The following RIPOR3 variants were observed in gnomAD, a reference collection of about 807,000 sequenced individuals.
The protein encoded by RIPOR3 is family with sequence similarity 65 member C.
In RIPOR3, 95 loss-of-function variants were observed where a neutral mutation model predicts 114.3. The observed-to-expected ratio is 0.83, with a 90% CI of 0.70 to 0.99. The LOEUF (loss-of-function observed/expected upper bound fraction) is 0.99. Ranked by LOEUF, RIPOR3 falls within the 50% of genes least tolerant of loss-of-function variation. The pLI, the probability that RIPOR3 is intolerant of heterozygous loss-of-function variation, is 0.00. For missense variants in RIPOR3, 1,252 were observed against 1,266.9 expected, an observed-to-expected ratio of 0.99 and a Z score of 0.18; for synonymous variants, 575 against 543.8, an observed-to-expected ratio of 1.06 and a Z score of -0.80.
At chr20:50,596,757 C>T (rs138408526) in intron 14 of RIPOR3, among the ~76,000 whole-genome samples, 91 of 152,306 alleles carry the variant, frequency 6.0e-4, no homozygotes, top group African/African-American at 2.0e-3. Flanking sequence ...CGCACTCGTC[C>T]GTGGGATTGT....
rs932314267 is a variant in RIPOR3 at position 50,613,065 on chromosome 20, C to T, written c.349-1861G>A. ...CTATGATCGTACCACTGCACTTCAC[C>T]CTGGGTGACAGAGTAAGACCTTGTC... is the stretch of plus-strand genomic sequence containing the variant. On this transcript the variant is annotated intron_variant, in intron 4 of 21. Transcript: ENST00000327979. 6.6e-5 allele frequency among the ~76,000 whole-genome samples: 10 copies of T among 152,096 alleles called. No individual in the cohort carries two copies. The East Asian group carries it at 1.7e-3, about 26-fold the overall frequency.
intron 2 of RIPOR3, among the ~76,000 whole-genome samples, chr20:50,627,514 GA>G (rs879396242): frequency 9.0e-4 from 105 of 116,062 alleles, no homozygotes; most frequent in South Asian, 2.9e-3. Context: ...TGTCTCAAAA[GA>G]AAAAAAAAAA....
At chr20:50,629,162 C>T (rs1014754748) in intron 2 of RIPOR3, among the ~76,000 whole-genome samples, 5 of 151,876 alleles carry the variant, frequency 3.3e-5, no homozygotes, top group African/African-American at 1.2e-4. Context: ...TCCCAGGGGC[C>T]TCTAGCCAGG....
chr20:50,666,226 T>TCTTTTCTTTTCTCTTCTCC, intron 1 of RIPOR3, among the ~76,000 whole-genome samples: 1 of 139,830 alleles, frequency 7.2e-6, no homozygotes, highest in Non-Finnish European at 1.5e-5. Flanking sequence ...TCTTTTCTTT[T>TCTTTTCTTTTCTCTTCTCC]TTGAGACGGA....
chr20:50,636,834 C>A, intron 1 of RIPOR3: 1 of 985,472 alleles, frequency 1.0e-6, no homozygotes, highest in Non-Finnish European at 1.2e-6. Flanking sequence ...CACCGCCAGC[C>A]AGAGGGAACC....
At chr20:50,671,388 C>T (rs529156154) in intron 1 of RIPOR3, among the ~76,000 whole-genome samples, 14 of 151,674 alleles carry the variant, frequency 9.2e-5, no homozygotes, top group Non-Finnish European at 1.8e-4. Context: ...TTTCTCTCTC[C>T]CTCTCTCTCA....
intron 1 of RIPOR3, among the ~76,000 whole-genome samples, chr20:50,686,207 C>A (rs1247213481): frequency 6.6e-6 from 1 of 151,866 alleles, no homozygotes; most frequent in African/African-American, 2.4e-5. Flanking sequence ...CAGGCGCCCA[C>A]CACCATGCCC....
At position 50,638,462 on chromosome 20, in the gene RIPOR3, T is replaced by G. The variant is rs143767895; in HGVS notation, c.4-7606A>C. On this transcript the variant is annotated intron_variant, in intron 1 of 21. Transcript: ENST00000327979. ...AGATAAAGATGACTCATGAATTTCT[T>G]TGAATTATCCAGAGGGCATTTTAAT... Among the ~76,000 whole-genome samples, 560 of 152,302 alleles carry G rather than the reference T, an allele frequency of 3.7e-3. 5 individuals are homozygous for G. The highest frequency in any genetic ancestry group is 0.01 in the African/African-American group (425 of 41,560).
At chr20:50,619,637 C>T (rs866711099) in intron 3 of RIPOR3, among the ~76,000 whole-genome samples, 1 of 152,208 alleles carries the variant, frequency 6.6e-6, no homozygotes, top group Non-Finnish European at 1.5e-5. Context: ...TGCCGAGGCC[C>T]TCGACGCACT....
At chr20:50,636,099 G>A (rs2084976396) in intron 1 of RIPOR3, among the ~76,000 whole-genome samples, 1 of 152,200 alleles carries the variant, frequency 6.6e-6, no homozygotes, top group Non-Finnish European at 1.5e-5. Flanking sequence ...GGCCTGGTGG[G>A]GCTGATCCAT....
In RIPOR3 at chr20:50,602,601, C is replaced by G. The variant is rs1437496450; in HGVS notation, c.1130G>C (p.Gly377Ala). Residue 377 changes from glycine to alanine, a missense_variant, in exon 13 of 22, where the codon GGC becomes GCC. By Grantham distance (60) the Gly-to-Ala change is moderately conservative. Transcript: ENST00000327979. The surrounding 1 kb of genome is among the most constrained non-coding windows in gnomAD (Gnocchi z 4.3). The stretch of plus-strand genomic sequence containing the variant: ...GCTGAGGATGGAGGTGGCCCTTGGG[C>G]CACCCAGCAGCAAGGCCTGCTGTGT... ...QPTQQALLLG[G>A]PRATSILSYL... is the part of the protein sequence containing the mutation. The G allele has an allele frequency of 6.6e-7, 1 of 1,510,588 alleles. No individual in the cohort carries two copies. The highest frequency in any genetic ancestry group is 8.8e-7 in the Non-Finnish European group (1 of 1,130,380). The allele number at this position is 1,510,588 out of a possible 1,614,324, so 93.6% of individuals were successfully genotyped here.
intron 3 of RIPOR3, among the ~76,000 whole-genome samples, chr20:50,617,886 T>C (rs1316151009): frequency 6.6e-6 from 1 of 151,810 alleles, no homozygotes; most frequent in East Asian, 2.0e-4. Flanking sequence ...CCTCCCAAAG[T>C]GCTAAGATTA....
Position 50,587,787 on chromosome 20 carries a change from T to A in RIPOR3, c.2752+15A>T, listed in dbSNP as rs976027068. 8.1e-6 allele frequency: 13 copies of A among 1,613,824 alleles called. No individual in the cohort carries two copies. In the African/African-American group the frequency reaches 9.3e-5, roughly 12 times the overall value. ...AGGCACCCCGCTGCGCTGCACAGTT[T>A]GTGCCACTTTTTACCGAACGACAGT... is the stretch of plus-strand genomic sequence containing the variant. On this transcript the variant is annotated intron_variant, in intron 21 of 21. Coordinates refer to ENST00000327979, the MANE Select transcript of RIPOR3 (RefSeq NM_001290268.2).
At chr20:50,621,186 G>A in intron 2 of RIPOR3, 1 of 340,446 alleles carries the variant, frequency 2.9e-6, no homozygotes. Context: ...AAGAAATACA[G>A]TCAAGTAGCC....
chr20:50,588,555 T>C (rs940889212), intron 20 of RIPOR3, among the ~76,000 whole-genome samples: 3 of 152,086 alleles, frequency 2.0e-5, no homozygotes, highest in African/African-American at 7.2e-5. Context: ...GCTCATATTC[T>C]CCGGTCCTAG....
Position 50,655,657 on chromosome 20 carries a change from G to A in RIPOR3, c.4-24801C>T, listed in dbSNP as rs1484022944. 7.4e-5 allele frequency among the ~76,000 whole-genome samples: 11 copies of A among 149,368 alleles called. No individual in the cohort carries two copies. The South Asian group carries it at 8.5e-4, about 12-fold the overall frequency. On this transcript the variant is annotated intron_variant, in intron 1 of 21. Transcript: ENST00000327979. ...CTGGGTTTTGTCTCCCTCCTGTCTCGGTTAGCGTGGGCTGTGTGTGTGTGT... is the reference window on the plus strand; with the variant it reads ...CTGGGTTTTGTCTCCCTCCTGTCTCAGTTAGCGTGGGCTGTGTGTGTGTGT...
chr20:50,617,971 T>A (rs759737731), intron 3 of RIPOR3, among the ~76,000 whole-genome samples: 13 of 151,982 alleles, frequency 8.6e-5, no homozygotes, highest in Non-Finnish European at 1.9e-4. Context: ...CATCTATAAA[T>A]AAGAGATGTA....
intron 1 of RIPOR3, among the ~76,000 whole-genome samples, chr20:50,681,275 G>GA (rs34596961): frequency 0.81 from 108,735 of 134,814 alleles, 44,565 homozygotes; most frequent in East Asian, 0.94. Context: ...TAAGGCACTA[G>GA]AAAAAAAAAA....
chr20:50,608,898 G>T lies in RIPOR3; in HGVS notation c.684+14C>A. 6.3e-7 allele frequency: 1 copy of T among 1,597,296 alleles called. No individual in the cohort carries two copies. The highest frequency in any genetic ancestry group is 8.5e-7 in the Non-Finnish European group (1 of 1,172,302). ...CGGGGAGCCCTGAGGATTGACCCCA[G>T]AGAGTGGCCGTACCTCATAGTGGTC... On this transcript the variant is annotated intron_variant, in intron 9 of 21. Transcript: ENST00000327979.
Sources: allele counts gnomAD v4.1 joint callset (sites outside exome capture counted in the v4.1 genomes callset), GRCh38; gene constraint gnomAD v4.1.1; non-coding constraint Gnocchi (gnomAD v3.1); transcripts MANE v1.5; gene names NCBI Gene and HGNC (gene_info 2026-07-23, HGNC 2026-07-21).